Variants in GTF3C1 observed in about 807,000 individuals in gnomAD.
GTF3C1 encodes general transcription factor 3C polypeptide 1.
GTF3C1 carries 57 observed loss-of-function variants against 226.7 expected under a neutral mutation model. The observed-to-expected ratio is 0.25, with a 90% CI of 0.20 to 0.31. The LOEUF (loss-of-function observed/expected upper bound fraction) is 0.31. GTF3C1 is among the 10% of genes least tolerant of loss of function. The pLI, the probability that GTF3C1 is intolerant of heterozygous loss-of-function variation, is 1.00. For missense variants in GTF3C1, 2,217 were observed against 2,776.1 expected (o/e 0.80, Z 4.53); for synonymous variants, 1,090 against 1,084.8 (o/e 1.00, Z -0.09).
intron 12 of GTF3C1, among the ~76,000 whole-genome samples, chr16:27,499,313 A>C (rs2088369777): frequency 6.6e-6 from 1 of 152,256 alleles, no homozygotes; most frequent in Non-Finnish European, 1.5e-5. Flanking sequence ...AGAGATACAC[A>C]GGATGAAAAA....
chr16:27,512,827 A>G (rs928639156), intron 6 of GTF3C1, among the ~76,000 whole-genome samples: 1 of 152,230 alleles, frequency 6.6e-6, no homozygotes, highest in Non-Finnish European at 1.5e-5. Flanking sequence ...TGAAGATGCT[A>G]GGGAACCAGA....
At chr16:27,473,083 A>G (rs1268044083) in intron 29 of GTF3C1, among the ~76,000 whole-genome samples, 1 of 151,942 alleles carries the variant, frequency 6.6e-6, no homozygotes, top group Non-Finnish European at 1.5e-5. Context: ...TAATTTTTGT[A>G]TTTTTTGTAG....
rs114327300 is a variant in GTF3C1, at chr16:27,512,292, G to A, written c.974-391C>T. Among the ~76,000 whole-genome samples the A allele has an allele frequency of 7.7e-3, 1,178 of 152,208 alleles. 19 individuals carry two copies. Among genetic ancestry groups the A allele is most frequent in the African/African-American group, 0.024 (1,011 of 41,514 alleles). On this transcript the variant is annotated intron_variant, in intron 6 of 36. Coordinates refer to ENST00000356183, the MANE Select transcript of GTF3C1 (RefSeq NM_001520.4). Reference sequence around the variant, plus strand: ...CACGGCCCACACTCAGGAGGCACGCGAGCAGTATTTGCCAAAAGGATGAAA... The same window carrying A: ...CACGGCCCACACTCAGGAGGCACGCAAGCAGTATTTGCCAAAAGGATGAAA...
At chr16:27,496,844 G>A (rs372275778) in intron 14 of GTF3C1, among the ~76,000 whole-genome samples, 7 of 152,210 alleles carry the variant, frequency 4.6e-5, no homozygotes, top group South Asian at 2.1e-4. Context: ...AGGCCCACCC[G>A]AGGAACACCC....
intron 7 of GTF3C1, among the ~76,000 whole-genome samples, chr16:27,510,519 A>G (rs545242819): frequency 6.6e-5 from 10 of 152,294 alleles, no homozygotes; most frequent in African/African-American, 2.4e-4. Flanking sequence ...ATACCACTGC[A>G]CTCCAGCCTG....
rs2087836062 is a variant in GTF3C1 at position 27,469,574 on chromosome 16, T to C, written c.4815-24A>G. 2 of 1,596,392 alleles carry C rather than the reference T, an allele frequency of 1.3e-6. No homozygotes were observed. The highest frequency in any genetic ancestry group is 1.7e-6 in the Non-Finnish European group (2 of 1,167,152). ...AGCTAGAAGGGAATTGTGACCTGGA[T>C]ACCTGAGCATAGGCCAGCCAGTTGC... On this transcript the variant is annotated intron_variant, in intron 31 of 36. Coordinates refer to ENST00000356183, the MANE Select transcript of GTF3C1 (RefSeq NM_001520.4). The surrounding 1 kb of genome is among the most constrained non-coding windows in gnomAD (Gnocchi z 4.5).
chr16:27,486,164 CCA>C lies in GTF3C1; in HGVS notation c.3701-12_3701-11del. 1 of 1,566,358 alleles carries C rather than the reference CCA, an allele frequency of 6.4e-7. No homozygotes were observed. The highest frequency in any genetic ancestry group is 8.8e-7 in the Non-Finnish European group (1 of 1,141,366). On this transcript the variant is annotated splice_polypyrimidine_tract_variant and intron_variant, in intron 23 of 36. Coordinates refer to ENST00000356183, the MANE Select transcript of GTF3C1 (RefSeq NM_001520.4). ...TCTCCTGGGAACTCTCCTAAAAACA[CCA>C]GAGGGAGAAGGCAGGAGACCTCTAA...
In GTF3C1 at chr16:27,504,641, C is replaced by A. The variant is rs144708630; in HGVS notation, c.1770+1258G>T. ...GCTGAATGAAACAGCAGTGGCCAGG[C>A]GCAGTGGCTCACGCCTGGAATCCCA... On this transcript the variant is annotated intron_variant, in intron 10 of 36. Coordinates refer to ENST00000356183, the MANE Select transcript of GTF3C1 (RefSeq NM_001520.4). Among the ~76,000 whole-genome samples, 1,063 of 152,268 alleles carry A rather than the reference C, an allele frequency of 7.0e-3. 16 individuals are homozygous for A. Among genetic ancestry groups the A allele is most frequent in the African/African-American group, 0.024 (1,009 of 41,544 alleles).
intron 5 of GTF3C1, among the ~76,000 whole-genome samples, chr16:27,529,807 GC>G (rs2088887861): frequency 6.6e-6 from 1 of 152,208 alleles, no homozygotes; most frequent in African/African-American, 2.4e-5. Flanking sequence ...GTTCCAGGGG[GC>G]CACAGCCTTT....
chr16:27,513,289 C>CA (rs981994974), intron 6 of GTF3C1, among the ~76,000 whole-genome samples: 3 of 152,076 alleles, frequency 2.0e-5, no homozygotes, highest in African/African-American at 7.2e-5. Flanking sequence ...CCCAACTCTA[C>CA]AAAAAATGTT....
chr16:27,506,952 C>T lies in GTF3C1; in HGVS notation c.1447G>A (p.Glu483Lys). The change falls in exon 9 of 37, where the codon GAG (glutamate) becomes AAG (lysine). Residue 483 changes from glutamate to lysine, a missense_variant. Physicochemically the swap from Glu to Lys is moderately conservative, Grantham distance 56 (BLOSUM62 1). Coordinates refer to ENST00000356183, the MANE Select transcript of GTF3C1 (RefSeq NM_001520.4). The stretch of plus-strand genomic sequence containing the variant: ...CCTCTCCGCTTGCTGCTGCTCCTCT[C>T]CTCCTCACTGTCCGACTCAGAGAGG... ...TFLSESDSEE[E>K]RSSSKRRGRG... 2.5e-6 allele frequency: 4 copies of T among 1,613,902 alleles called. No individual in the cohort carries two copies. The highest frequency in any genetic ancestry group is 3.4e-6 in the Non-Finnish European group (4 of 1,179,856).
At chr16:27,474,264 T>C (rs1366607316) in intron 29 of GTF3C1, among the ~76,000 whole-genome samples, 1 of 152,160 alleles carries the variant, frequency 6.6e-6, no homozygotes, top group Non-Finnish European at 1.5e-5. Context: ...TCCATGCCCC[T>C]GGGGGTTAAG....
intron 1 of GTF3C1, 41 bp downstream of exon 1, chr16:27,549,629 G>C: frequency 1.3e-6 from 1 of 780,654 alleles, no homozygotes; most frequent in South Asian, 1.6e-5. Context: ...CCCGGGCCCT[G>C]CGCCCGCCCG....
intron 7 of GTF3C1, among the ~76,000 whole-genome samples, chr16:27,509,874 C>T (rs1169609374): frequency 3.3e-5 from 5 of 151,850 alleles, no homozygotes; most frequent in Admixed American, 1.3e-4. Flanking sequence ...ATGTTGTACA[C>T]GCATAAAAAT....
chr16:27,462,025 G>C lies in GTF3C1; in HGVS notation c.6117+269C>G. 4.2e-6 allele frequency: 2 copies of C among 476,850 alleles called. No individual in the cohort carries two copies. The highest frequency in any genetic ancestry group is 3.8e-6 in the Non-Finnish European group (1 of 266,270). The allele number at this position is 476,850 out of a possible 1,614,324, so 29.5% of individuals were successfully genotyped here. ...GCTGCTTGACCCGTGGGGCCCGGCG[G>C]ACTCATGAGTTAGTGACCCCTGGCA... On this transcript the variant is annotated intron_variant, in intron 36 of 36. Transcript: ENST00000356183. This position sits in a 1 kb window ranked among gnomAD's most constrained non-coding sequence, Gnocchi z 4.5.
Position 27,506,820 on chromosome 16 carries a change from C to T in GTF3C1, c.1552+27G>A, listed in dbSNP as rs753662376. ...GTGCCCAGCAGTGCAGTGCACGCAG[C>T]CCCTGCCCACCCCACGTGCTCCCTA... On this transcript the variant is annotated intron_variant, in intron 9 of 36. Transcript: ENST00000356183. The T allele has an allele frequency of 2.6e-6, 4 of 1,549,196 alleles. No homozygotes were observed. In the East Asian group the frequency reaches 6.8e-5, roughly 26 times the overall value.
rs1219276233 is a variant in GTF3C1, at chr16:27,462,449, G to A, written c.5962C>T (p.Arg1988Cys). ...ESVCFIGRPWRVVDGHLNLPV... is the reference protein window; with the variant it reads ...ESVCFIGRPWCVVDGHLNLPV... ...AGGTTCAGGTGGCCATCCACGACACGCCACGGCCGGCCGATGAAGCAGACA... is the reference window on the plus strand; with the variant it reads ...AGGTTCAGGTGGCCATCCACGACACACCACGGCCGGCCGATGAAGCAGACA... The change falls in exon 36 of 37, where the codon CGT (arginine) becomes TGT (cysteine). Residue 1988 changes from arginine (R) to cysteine (C), a missense_variant. Coordinates refer to ENST00000356183, the MANE Select transcript of GTF3C1 (RefSeq NM_001520.4). The surrounding 1 kb of genome is among the most constrained non-coding windows in gnomAD (Gnocchi z 4.5). The A allele has an allele frequency of 3.1e-6, 5 of 1,613,356 alleles. No homozygotes were observed. Among genetic ancestry groups the A allele is most frequent in the Non-Finnish European group, 4.2e-6 (5 of 1,179,720 alleles).
chr16:27,537,603 T>A (rs2065397319), intron 4 of GTF3C1, among the ~76,000 whole-genome samples, 181 bp downstream of exon 4: 1 of 152,156 alleles, frequency 6.6e-6, no homozygotes. Context: ...AGATGCCATC[T>A]TGGTATATTG....
intron 29 of GTF3C1, 39 bp downstream of exon 29, chr16:27,476,412 C>T (rs2087950694): frequency 7.7e-7 from 1 of 1,306,890 alleles, no homozygotes; most frequent in Non-Finnish European, 1.1e-6. Context: ...CTCGGAAGGG[C>T]CCACATCCCC....
Sources: allele counts gnomAD v4.1 joint callset (sites outside exome capture counted in the v4.1 genomes callset), GRCh38; gene constraint gnomAD v4.1.1; non-coding constraint Gnocchi (gnomAD v3.1); transcripts MANE v1.5; gene names NCBI Gene and HGNC (gene_info 2026-07-23, HGNC 2026-07-21).